CCDC171: variants seen among roughly 807,000 people sequenced by gnomAD.
The protein encoded by CCDC171 is coiled-coil domain containing 171.
Under a neutral mutation model 168.2 loss-of-function variants are expected in CCDC171, and 177 were observed. The observed-to-expected ratio is 1.05, with a 90% CI of 0.93 to 1.19. CCDC171 has a LOEUF of 1.19. Ranked by LOEUF, CCDC171 falls within the 50% of genes most tolerant of loss-of-function variation. The pLI is 0.00. For synonymous variants in CCDC171, 687 were observed against 540.8 expected, an observed-to-expected ratio of 1.27 and a Z score of -3.75; for missense variants, 1,991 against 1,539.0, an observed-to-expected ratio of 1.29 and a Z score of -4.91.
chr9:15,953,338 G>C (rs1080485), intron 25 of CCDC171, among the ~76,000 whole-genome samples: 79,300 of 151,970 alleles, frequency 0.52, 22,076 homozygotes, highest in African/African-American at 0.73. Context: ...CCTTTATTGT[G>C]TTAGGGTGAT....
the CCDC171 span, among the ~76,000 whole-genome samples, chr9:16,079,726 C>T: frequency 2.6e-5 from 4 of 152,302 alleles, no homozygotes; most frequent in South Asian, 2.1e-4. Flanking sequence ...TGTGGCACTT[C>T]GTTAGAGCAG....
chr9:15,663,632 G>C (rs757638725), intron 8 of CCDC171, among the ~76,000 whole-genome samples: 1 of 141,504 alleles, frequency 7.1e-6, no homozygotes, highest in African/African-American at 2.6e-5. Flanking sequence ...TTGAGAGGGA[G>C]TATCGCTCTG....
At chr9:15,950,597 C>T (rs138111070) in intron 25 of CCDC171, among the ~76,000 whole-genome samples, 2,881 of 151,968 alleles carry the variant, frequency 0.019, 103 homozygotes, top group African/African-American at 0.066. Flanking sequence ...ACCACCAGAC[C>T]TGCCCTAAAA....
chr9:15,781,210 G>T (rs2057650578), intron 20 of CCDC171, among the ~76,000 whole-genome samples: 1 of 152,150 alleles, frequency 6.6e-6, no homozygotes, highest in African/African-American at 2.4e-5. Context: ...AAACAAGTTT[G>T]CATCTTTGAT....
intron 21 of CCDC171, among the ~76,000 whole-genome samples, chr9:15,792,859 C>T (rs995282073): frequency 6.6e-6 from 1 of 152,238 alleles, no homozygotes; most frequent in African/African-American, 2.4e-5. Context: ...GTACCAGCCA[C>T]TGCAAAAACA....
chr9:15,747,698 A>G (rs2055399688), intron 18 of CCDC171, among the ~76,000 whole-genome samples: 1 of 152,260 alleles, frequency 6.6e-6, no homozygotes. Flanking sequence ...AAGGAATAGC[A>G]TCAACATCAA....
At chr9:15,639,526 C>A (rs963271919) in intron 7 of CCDC171, among the ~76,000 whole-genome samples, 38 of 151,938 alleles carry the variant, frequency 2.5e-4, no homozygotes, top group Admixed American at 2.4e-3. Context: ...AGTAATAAAA[C>A]TTTTTCTTCA....
chr9:15,744,676 G>T lies in CCDC171; in HGVS notation c.2453G>T (p.Gly818Val). 6.2e-7 allele frequency: 1 copy of T among 1,614,124 alleles called. No individual in the cohort carries two copies. Among genetic ancestry groups the T allele is most frequent in the Non-Finnish European group, 8.5e-7 (1 of 1,180,018 alleles). ...GCAGCAAACAGACTCAAGATTTTGG[G>T]CCAATCATGTGCCTCTCTTTTTACC... The part of the protein sequence containing the change: ...VLAANRLKIL[G>V]QSCASLFTWM... Residue 818 changes from glycine (G) to valine (V), a missense_variant, in exon 17 of 26, where the codon GGC (glycine) becomes GTC (valine). Gly to Val is a moderately radical substitution (Grantham distance 109, BLOSUM62 -3). Transcript: ENST00000380701.
chr9:16,083,640 C>CTAGCCACACATTCACA, the CCDC171 span, among the ~76,000 whole-genome samples: 14 of 152,104 alleles, frequency 9.2e-5, no homozygotes, highest in Non-Finnish European at 2.1e-4. Context: ...CTAGAAAGAC[C>CTAGCCACACATTCACA]TAGCCACACA....
chr9:15,775,172 A>G (rs2057251080), intron 18 of CCDC171, among the ~76,000 whole-genome samples: 1 of 152,224 alleles, frequency 6.6e-6, no homozygotes, highest in South Asian at 2.1e-4. Context: ...ATTATAGCAT[A>G]CATTATTTAG....
intron 21 of CCDC171, among the ~76,000 whole-genome samples, chr9:15,819,548 G>A (rs1375281511): frequency 1.7e-5 from 2 of 115,346 alleles, no homozygotes; most frequent in East Asian, 2.2e-4. Context: ...TCCTAATCTC[G>A]GATAAAACAC....
At chr9:15,889,375 C>A (rs1036523986) in intron 24 of CCDC171, among the ~76,000 whole-genome samples, 1 of 152,100 alleles carries the variant, frequency 6.6e-6, no homozygotes, top group Non-Finnish European at 1.5e-5. Flanking sequence ...TGTTTCCATG[C>A]ATTGTGTCAA....
chr9:15,554,075 A>G (rs2038574051), intron 1 of CCDC171, among the ~76,000 whole-genome samples: 2 of 149,650 alleles, frequency 1.3e-5, no homozygotes, highest in African/African-American at 4.9e-5. Flanking sequence ...GCTGGAGTGC[A>G]GTGGCGCGAT....
downstream of CCDC171, among the ~76,000 whole-genome samples, chr9:15,976,007 A>T (rs1057486647): frequency 2.0e-5 from 3 of 152,144 alleles, no homozygotes; most frequent in African/African-American, 7.2e-5. Context: ...ACGATGATGG[A>T]AGCCGAAGTT....
At chr9:15,807,174 A>G (rs541188322) in intron 21 of CCDC171, among the ~76,000 whole-genome samples, 36 of 152,226 alleles carry the variant, frequency 2.4e-4, no homozygotes, top group East Asian at 9.7e-4. Context: ...TTCAATCTCA[A>G]TGATCTTTGT....
chr9:15,799,837 G>C (rs922595703), intron 21 of CCDC171, among the ~76,000 whole-genome samples: 1 of 151,794 alleles, frequency 6.6e-6, no homozygotes, highest in African/African-American at 2.4e-5. Context: ...CAATTGTTTG[G>C]ATTTTTAGCC....
chr9:15,598,779 A>C (rs957911527), intron 6 of CCDC171, among the ~76,000 whole-genome samples: 1 of 152,052 alleles, frequency 6.6e-6, no homozygotes, highest in African/African-American at 2.4e-5. Context: ...ATTGTGTGGG[A>C]GTCTAAGTCC....
the CCDC171 span, among the ~76,000 whole-genome samples, chr9:16,083,039 G>C: frequency 6.6e-6 from 1 of 152,170 alleles, no homozygotes; most frequent in Non-Finnish European, 1.5e-5. Context: ...TAAGTCAATG[G>C]AATGAAATCA....
intron 24 of CCDC171, among the ~76,000 whole-genome samples, chr9:15,912,613 G>A (rs1430724531): frequency 6.6e-6 from 1 of 152,236 alleles, no homozygotes; most frequent in African/African-American, 2.4e-5. Context: ...CTTGTCTTGT[G>A]CTAGTTTTCA....
Sources: gnomAD v4.1 joint callset for allele counts (sites outside exome capture counted in the v4.1 genomes callset) on GRCh38, gnomAD v4.1.1 for gene constraint, MANE v1.5 for transcripts, NCBI Gene and HGNC (gene_info 2026-07-23, HGNC 2026-07-21) for gene names.